Variants in RBFOX1 observed in about 807,000 individuals in gnomAD.
RBFOX1 encodes the protein RNA binding fox-1 homolog 1.
A neutral mutation model predicts 57.7 loss-of-function variants in RBFOX1; 8 were observed. The ratio of observed to expected loss-of-function variants is 0.14; its 90% CI spans 0.08 to 0.25. The LOEUF (loss-of-function observed/expected upper bound fraction) is 0.25, where lower values mean the gene tolerates loss of function less well. Among genes scored for constraint, RBFOX1 ranks in the 10% least tolerant of loss-of-function variants. The pLI is 1.00. For missense variants in RBFOX1, 611 were observed against 548.5 expected, an observed-to-expected ratio of 1.11 and a Z score of -1.14; for synonymous variants, 326 against 222.4, an observed-to-expected ratio of 1.47 and a Z score of -4.15.
intron 2 of RBFOX1, among the ~76,000 whole-genome samples, chr16:6,498,159 C>T (rs1013257309): frequency 3.3e-5 from 5 of 149,876 alleles, no homozygotes; most frequent in Admixed American, 2.0e-4. Context: ...GGCTGAGGCA[C>T]GAGAATCACT....
At chr16:7,404,631 C>G (rs979711651) in intron 4 of RBFOX1, among the ~76,000 whole-genome samples, 2 of 152,200 alleles carry the variant, frequency 1.3e-5, no homozygotes, top group Admixed American at 1.3e-4. Context: ...GACCCTGTCT[C>G]TCAGTCATGC....
chr16:5,757,376 C>T (rs935039808), intron 3 of RBFOX1, among the ~76,000 whole-genome samples: 1 of 151,854 alleles, frequency 6.6e-6, no homozygotes, highest in Non-Finnish European at 1.5e-5. Context: ...GGGCTACATG[C>T]CCATGCCACC....
At chr16:7,132,265 G>T (rs1177625033) in intron 4 of RBFOX1, among the ~76,000 whole-genome samples, 1 of 151,980 alleles carries the variant, frequency 6.6e-6, no homozygotes, top group East Asian at 1.9e-4. Flanking sequence ...ACAGTCATGA[G>T]ATACCCTGTC....
chr16:7,538,999 C>T (rs1006674385), intron 5 of RBFOX1, among the ~76,000 whole-genome samples: 6 of 152,186 alleles, frequency 3.9e-5, no homozygotes, highest in Non-Finnish European at 8.8e-5. Context: ...AAAGGTGTGT[C>T]TCAAGAAATG....
chr16:6,565,636 T>C (rs1395357461), intron 2 of RBFOX1, among the ~76,000 whole-genome samples: 2 of 151,406 alleles, frequency 1.3e-5, no homozygotes, highest in Non-Finnish European at 2.9e-5. Flanking sequence ...CCTGGCTATT[T>C]TTTTGTATTT....
chr16:5,842,416 G>A (rs974732313), intron 3 of RBFOX1, among the ~76,000 whole-genome samples: 3 of 152,308 alleles, frequency 2.0e-5, no homozygotes, highest in Non-Finnish European at 1.5e-5. Context: ...ATCCCTGAGT[G>A]TTTGGTTATC....
chr16:5,746,479 G>A (rs2052986555), intron 3 of RBFOX1, among the ~76,000 whole-genome samples: 2 of 152,198 alleles, frequency 1.3e-5, no homozygotes, highest in African/African-American at 4.8e-5. Flanking sequence ...TGTGAAGAAA[G>A]TCATTGGTAG....
chr16:5,891,147 C>G (rs905345973), intron 4 of RBFOX1, among the ~76,000 whole-genome samples: 4 of 152,186 alleles, frequency 2.6e-5, no homozygotes, highest in Non-Finnish European at 2.9e-5. Flanking sequence ...CCTCTCTACC[C>G]TCCTTAGGAT....
chr16:5,503,575 C>G (rs1443302716), intron 2 of RBFOX1, among the ~76,000 whole-genome samples: 1 of 152,184 alleles, frequency 6.6e-6, no homozygotes, highest in East Asian at 1.9e-4. Context: ...TCCTGAGTAG[C>G]TGGGACTATA....
At chr16:5,812,263 G>A (rs182474237) in intron 3 of RBFOX1, among the ~76,000 whole-genome samples, 6 of 152,216 alleles carry the variant, frequency 3.9e-5, no homozygotes, top group East Asian at 3.9e-4. Context: ...TTCTGTATAC[G>A]CCTTTGGACA....
At chr16:6,220,593 G>T (rs1366987904) in intron 1 of RBFOX1, among the ~76,000 whole-genome samples, 1 of 152,120 alleles carries the variant, frequency 6.6e-6, no homozygotes, top group Non-Finnish European at 1.5e-5. Flanking sequence ...TTTCTGAAAA[G>T]CCTGTTTTAT....
At chr16:7,372,463 T>C (rs1279532013) in intron 4 of RBFOX1, among the ~76,000 whole-genome samples, 1 of 152,158 alleles carries the variant, frequency 6.6e-6, no homozygotes, top group African/African-American at 2.4e-5. Context: ...CAAGTTAGAG[T>C]GTAAGCTCAT....
At chr16:7,287,522 G>T (rs2095673774) in intron 4 of RBFOX1, among the ~76,000 whole-genome samples, 1 of 152,206 alleles carries the variant, frequency 6.6e-6, no homozygotes. Flanking sequence ...GTGAGGCTCT[G>T]ACCTGGGGTA....
intron 3 of RBFOX1, among the ~76,000 whole-genome samples, chr16:5,758,662 C>T (rs970853202): frequency 6.6e-6 from 1 of 152,152 alleles, no homozygotes; most frequent in Non-Finnish European, 1.5e-5. Context: ...GAGCACAGTT[C>T]TGGTGATCAC....
At chr16:5,552,538 T>C (rs2151086115) in intron 2 of RBFOX1, among the ~76,000 whole-genome samples, 1 of 152,206 alleles carries the variant, frequency 6.6e-6, no homozygotes, top group East Asian at 1.9e-4. Flanking sequence ...GGCAGAGAAG[T>C]GGTTAGAAGC....
chr16:6,280,806 C>T (rs1363947660), intron 1 of RBFOX1, among the ~76,000 whole-genome samples: 1 of 151,974 alleles, frequency 6.6e-6, no homozygotes, highest in Non-Finnish European at 1.5e-5. Context: ...GGCTTGCTTA[C>T]CAACAGAAAA....
At chr16:6,909,160 G>A (rs192750614) in intron 3 of RBFOX1, among the ~76,000 whole-genome samples, 1 of 152,174 alleles carries the variant, frequency 6.6e-6, no homozygotes, top group African/African-American at 2.4e-5. Flanking sequence ...CAACAGTGTT[G>A]CATTTCTTCT....
chr16:5,904,374 G>A (rs1274694620), intron 4 of RBFOX1, among the ~76,000 whole-genome samples: 1 of 151,992 alleles, frequency 6.6e-6, no homozygotes, highest in Non-Finnish European at 1.5e-5. Context: ...CATCACTTGG[G>A]GACAGGTGTT....
intron 1 of RBFOX1, among the ~76,000 whole-genome samples, chr16:5,336,521 C>T (rs1249476638): frequency 6.6e-6 from 1 of 152,166 alleles, no homozygotes; most frequent in Non-Finnish European, 1.5e-5. Flanking sequence ...TGTGGATGAG[C>T]CGTCCTAGGT....
Sources: gnomAD v4.1 joint callset for allele counts (sites outside exome capture counted in the v4.1 genomes callset) on GRCh38, gnomAD v4.1.1 for gene constraint, MANE v1.5 for transcripts, NCBI Gene and HGNC (gene_info 2026-07-23, HGNC 2026-07-21) for gene names.